The following SLC26A1 variants were observed in gnomAD, a reference collection of about 807,000 sequenced individuals.
SLC26A1 encodes the protein sulfate anion transporter 1.
SLC26A1 carries 18 observed loss-of-function variants against 14.5 expected under a neutral mutation model. The ratio of observed to expected loss-of-function variants is 1.24; its 90% CI spans 0.86 to 1.84. SLC26A1 has a LOEUF of 1.84. SLC26A1 is among the 40% of genes most tolerant of loss of function. SLC26A1 has a pLI of 0.00. For synonymous variants in SLC26A1, 505 were observed against 492.0 expected, an observed-to-expected ratio of 1.03 and a Z score of -0.35; for missense variants, 1,049 against 1,020.0, an observed-to-expected ratio of 1.03 and a Z score of -0.39.
chr4:989,371 T>G lies in SLC26A1; in HGVS notation c.1568A>C (p.Glu523Ala). 2 of 1,585,596 alleles carry G rather than the reference T, an allele frequency of 1.3e-6. No individual in the cohort carries two copies. Among genetic ancestry groups the G allele is most frequent in the Non-Finnish European group, 1.7e-6 (2 of 1,166,362 alleles). The change falls in exon 3 of 3, where the codon GAG (glutamate) becomes GCG (alanine). Residue 523 changes from glutamate (E) to alanine (A), a missense_variant. Glu to Ala is a moderately radical substitution (Grantham distance 107, BLOSUM62 -1). Transcript: ENST00000398516. ...LARIGDTAFY[E>A]DATEFEGLVP... Reference sequence around the variant, plus strand: ...GAGGCCCTCGAACTCTGTGGCATCCTCGTAGAAGGCCGTGTCCCCGATGCG... The same window carrying G: ...GAGGCCCTCGAACTCTGTGGCATCCGCGTAGAAGGCCGTGTCCCCGATGCG...
At position 989,750 on chromosome 4, in the gene SLC26A1, C is replaced by T. The variant is rs572968482; in HGVS notation, c.1189G>A (p.Ala397Thr). 1.5e-4 allele frequency: 231 copies of T among 1,556,824 alleles called. No individual in the cohort carries two copies. The highest frequency in any genetic ancestry group is 8.5e-4 in the South Asian group (72 of 84,574). ...TTCACCAGGCTCTTGGCCAGGGCGGCGCTGGTGGCGAAGCAGTGGAGGAAG... is the reference window on the plus strand; with the variant it reads ...TTCACCAGGCTCTTGGCCAGGGCGGTGCTGGTGGCGAAGCAGTGGAGGAAG... ...PAFLHCFATS[A>T]ALAKSLVKTA... The change falls in exon 3 of 3, where the codon GCC (alanine) becomes ACC (threonine). Residue 397 changes from alanine (A) to threonine (T), a missense_variant. By Grantham distance (58) the Ala-to-Thr change is moderately conservative (BLOSUM62 0). Coordinates refer to ENST00000398516, the MANE Select transcript of SLC26A1 (RefSeq NM_022042.4).
chr4:987,373 C>A, downstream of SLC26A1: 1 of 962,338 alleles, frequency 1.0e-6, no homozygotes, highest in Non-Finnish European at 1.5e-6. Context: ...CGGGCCCGCC[C>A]CCCGCCGTGT....
Position 989,680 on chromosome 4 carries a change from G to A in SLC26A1, c.1259C>T (p.Ala420Val), listed in dbSNP as rs1325417621. ...CRTQLSSVVS[A>V]TVVLLVLLAL... The stretch of plus-strand genomic sequence containing the variant: ...CAGCAGCACCAGCAGCACCACGGTG[G>A]CGCTGACCACGCTGGACAGCTGTGT... Residue 420 changes from alanine (A) to valine (V), a missense_variant, in exon 3 of 3, where the codon GCC (alanine) becomes GTC (valine). Physicochemically the swap from Ala to Val is moderately conservative, Grantham distance 64 (BLOSUM62 0). Transcript: ENST00000398516. 1.3e-6 allele frequency: 2 copies of A among 1,569,436 alleles called. No individual in the cohort carries two copies. Among genetic ancestry groups the A allele is most frequent in the Admixed American group, 1.9e-5 (1 of 53,058 alleles).
rs1713893264 is a variant in SLC26A1, at chr4:988,130, C to G, written c.*703G>C. On this transcript the variant is annotated 3_prime_UTR_variant, in exon 3 of 3. Coordinates refer to ENST00000398516, the MANE Select transcript of SLC26A1 (RefSeq NM_022042.4). ...GAGGGCTGTGTGCTGGAGGGAGCCC[C>G]TGCATGGGGCACGGTGGGCTTCCTG... 5.0e-6 allele frequency: 7 copies of G among 1,412,030 alleles called. No homozygotes were observed. Among genetic ancestry groups the G allele is most frequent in the Non-Finnish European group, 5.5e-6 (6 of 1,085,470 alleles). 87.5% of individuals were successfully genotyped at this position (1,412,030 alleles called of 1,614,324 possible). A position where few individuals can be genotyped will look rare whatever the true frequency, so the allele number is the denominator to read the frequency against.
chr4:992,185 C>G, intron 1 of SLC26A1: 1 of 461,634 alleles, frequency 2.2e-6, no homozygotes, highest in Non-Finnish European at 4.3e-6. Flanking sequence ...CAGGTGCAGG[C>G]AAGCCTGAGT....
In SLC26A1 at chr4:989,422, T is replaced by G; in HGVS notation, c.1517A>C (p.Gln506Pro). 1 of 1,556,444 alleles carries G rather than the reference T, an allele frequency of 6.4e-7. No homozygotes were observed. The highest frequency in any genetic ancestry group is 2.4e-5 in the East Asian group (1 of 41,400). Residue 506 changes from glutamine (Q) to proline (P), a missense_variant, in exon 3 of 3, where the codon CAA (glutamine) becomes CCA (proline). Gln to Pro is a moderately conservative substitution (Grantham distance 76). Coordinates refer to ENST00000398516, the MANE Select transcript of SLC26A1 (RefSeq NM_022042.4). Reference sequence around the variant, plus strand: ...GGCCAGCAGGGCGGTGCGTGGGCGTTGGGTGCGGCCGGCCAGGCTGAGCAG... The same window carrying G: ...GGCCAGCAGGGCGGTGCGTGGGCGTGGGGTGCGGCCGGCCAGGCTGAGCAG... ...LSLLSLAGRT[Q>P]RPRTALLARI...
rs756972117 is a variant in SLC26A1, at chr4:979,426, C to A, written c.655G>T (p.Glu219Ter). ...TTAAATCAGCAAGATCTTTCCTCCT[C>A]TTCCAGAAGTTCCTGCGAGTCACTC... Residue 219 changes from glutamate to a stop codon, truncating the protein, a stop_gained, in exon 3 of 3, where the codon GAG becomes TAG. Transcript: ENST00000398520. LOFTEE classifies it high-confidence loss of function. 1.3e-6 allele frequency: 2 copies of A among 1,587,900 alleles called. No homozygotes were observed. Among genetic ancestry groups the A allele is most frequent in the Non-Finnish European group, 1.7e-6 (2 of 1,157,916 alleles).
rs1713926461 is a variant in SLC26A1 at position 988,467 on chromosome 4, G to A, written c.*366C>T. The stretch of plus-strand genomic sequence containing the variant: ...GGCACCGGGCAGGCCTGGGCATAGG[G>A]AGTCCTCTTGGCACCTTGGAGGCTG... On this transcript the variant is annotated 3_prime_UTR_variant, in exon 3 of 3. Transcript: ENST00000398516. The A allele has an allele frequency of 2.7e-6, 3 of 1,108,784 alleles. No homozygotes were observed. Among genetic ancestry groups the A allele is most frequent in the Non-Finnish European group, 3.3e-6 (3 of 907,418 alleles). The allele number at this position is 1,108,784 out of a possible 1,614,324, so 68.7% of individuals were successfully genotyped here. A position where few individuals can be genotyped will look rare whatever the true frequency, so the allele number is the denominator to read the frequency against.
chr4:988,985 G>T lies in SLC26A1; in HGVS notation c.1954C>A (p.Pro652Thr). The T allele has an allele frequency of 6.3e-7, 1 of 1,593,998 alleles. No individual in the cohort carries two copies. Among genetic ancestry groups the T allele is most frequent in the Non-Finnish European group, 8.5e-7 (1 of 1,170,926 alleles). ...ISLLLACCSP[P>T]VRDILSRGGF... ...CCTCTGCTCAGAATGTCTCTCACAG[G>T]CGGGCTGCAGCAGGCTAGCAGCAGG... Residue 652 changes from proline to threonine, a missense_variant, in exon 3 of 3, where the codon CCT (proline) becomes ACT (threonine). By Grantham distance (38) the Pro-to-Thr change is conservative. Coordinates refer to ENST00000398516, the MANE Select transcript of SLC26A1 (RefSeq NM_022042.4).
downstream of SLC26A1, chr4:987,350 G>T: frequency 9.0e-7 from 1 of 1,109,048 alleles, no homozygotes; most frequent in Non-Finnish European, 1.3e-6. Context: ...CTCCTCTGGG[G>T]CCCTGGCTCT....
In SLC26A1 at chr4:989,888, C is replaced by A. The variant is rs757517635; in HGVS notation, c.1051G>T (p.Val351Leu). 6.4e-7 allele frequency: 1 copy of A among 1,569,914 alleles called. No individual in the cohort carries two copies. The highest frequency in any genetic ancestry group is 1.9e-5 in the Admixed American group (1 of 53,448). ...VALDAVALAL[V>L]AAAFSISLAE... Reference sequence around the variant, plus strand: ...AGCGAGATGGAGAAGGCGGCAGCCACGAGGGCCAGGGCCACGGCATCCAAA... The same window carrying A: ...AGCGAGATGGAGAAGGCGGCAGCCAAGAGGGCCAGGGCCACGGCATCCAAA... Residue 351 changes from valine to leucine, a missense_variant, in exon 3 of 3, where the codon GTG becomes TTG. Transcript: ENST00000398516.
chr4:987,877 A>C lies in SLC26A1; in HGVS notation c.*956T>G. The C allele has an allele frequency of 6.2e-7, 1 of 1,611,888 alleles. No homozygotes were observed. On this transcript the variant is annotated 3_prime_UTR_variant, in exon 3 of 3. Coordinates refer to ENST00000398516, the MANE Select transcript of SLC26A1 (RefSeq NM_022042.4). ...TGGGACCAGCAGCTCAACCTCGCCTATGTGGGCGCCGTCCCTCACCGCGGC... is the reference window on the plus strand; with the variant it reads ...TGGGACCAGCAGCTCAACCTCGCCTCTGTGGGCGCCGTCCCTCACCGCGGC...
intron 1 of SLC26A1, 98 bp from the exon 2 acceptor site, chr4:991,828 G>A (rs373007894): frequency 3.8e-5 from 59 of 1,532,588 alleles, no homozygotes; most frequent in African/African-American, 1.8e-4. Context: ...CGGACCCCTC[G>A]CCCACCCAGG....
rs187110381 is a variant in SLC26A1 at position 989,390 on chromosome 4, C to A, written c.1549G>T (p.Gly517Trp). The change falls in exon 3 of 3, where the codon GGG (glycine) becomes TGG (tryptophan). Residue 517 changes from glycine to tryptophan, a missense_variant. Gly to Trp is a radical substitution (Grantham distance 184). Transcript: ENST00000398516. The stretch of plus-strand genomic sequence containing the variant: ...GCATCCTCGTAGAAGGCCGTGTCCC[C>A]GATGCGGGCCAGCAGGGCGGTGCGT... ...RPRTALLARI[G>W]DTAFYEDATE... The A allele has an allele frequency of 6.4e-6, 10 of 1,569,370 alleles. No homozygotes were observed. The highest frequency in any genetic ancestry group is 8.6e-6 in the Non-Finnish European group (10 of 1,157,814).
intron 2 of SLC26A1, chr4:979,572 G>T (rs553601493): frequency 1.9e-6 from 3 of 1,592,130 alleles, no homozygotes; most frequent in Non-Finnish European, 2.6e-6. Flanking sequence ...ACAGCCAAAC[G>T]TCCCCCTGCC....
rs1416699933 is a variant in SLC26A1 at position 989,561 on chromosome 4, G to A, written c.1378C>T (p.Leu460Phe). The change falls in exon 3 of 3, where the codon CTC becomes TTC. Residue 460 changes from leucine to phenylalanine, a missense_variant. Transcript: ENST00000398516. ...GGGCTCATCCGCCACAGCCGCGGGA[G>A]GTCCCACACCTTGCGCAGGGCCCCC... The part of the protein sequence containing the change: ...LRGALRKVWD[L>F]PRLWRMSPAD... The A allele has an allele frequency of 3.2e-6, 5 of 1,584,844 alleles. No individual in the cohort carries two copies. The highest frequency in any genetic ancestry group is 4.3e-6 in the Non-Finnish European group (5 of 1,166,884).
Position 989,793 on chromosome 4 carries a change from G to T in SLC26A1, c.1146C>A (p.Cys382Ter). 2 of 1,570,908 alleles carry T rather than the reference G, an allele frequency of 1.3e-6. No individual in the cohort carries two copies. Among genetic ancestry groups the T allele is most frequent in the African/African-American group, 2.7e-5 (2 of 74,240 alleles). The change falls in exon 3 of 3, where the codon TGC (cysteine) becomes TGA (stop). Residue 382 changes from cysteine to a stop codon, truncating the protein, a stop_gained. Transcript: ENST00000398516. LOFTEE classifies it low-confidence loss of function (END_TRUNC). ...GGAGGAAGGCGGGTAGCACGTTGCAGCAGCCCACAGCCAGCAGCTCCTGGT... is the reference window on the plus strand; with the variant it reads ...GGAGGAAGGCGGGTAGCACGTTGCATCAGCCCACAGCCAGCAGCTCCTGGT... ...RANQELLAVG[C>*]CNVLPAFLHC...
chr4:992,394 C>T (rs1714437015), intron 1 of SLC26A1, among the ~76,000 whole-genome samples: 1 of 152,236 alleles, frequency 6.6e-6, no homozygotes, highest in South Asian at 2.1e-4. Flanking sequence ...CTCCTATGTC[C>T]CTGCCAAGCT....
chr4:986,397 C>A (rs1278208322), downstream of SLC26A1, among the ~76,000 whole-genome samples: 1 of 152,216 alleles, frequency 6.6e-6, no homozygotes, highest in African/African-American at 2.4e-5. Context: ...ACAGTATTTG[C>A]ACATTACCTA....
Sources: gnomAD v4.1 joint callset for allele counts (sites outside exome capture counted in the v4.1 genomes callset) on GRCh38, gnomAD v4.1.1 for gene constraint, MANE v1.5 for transcripts, NCBI Gene and HGNC (gene_info 2026-07-23, HGNC 2026-07-21) for gene names.